The following STARD9 variants were observed in gnomAD, a reference collection of about 807,000 sequenced individuals.
STARD9 encodes the protein stAR-related lipid transfer protein 9.
STARD9 carries 346 observed loss-of-function variants against 399.8 expected under a neutral mutation model. The observed-to-expected ratio is 0.87, with a 90% confidence interval of 0.79 to 0.95. The LOEUF (loss-of-function observed/expected upper bound fraction) is 0.95. STARD9 is among the 40% of genes least tolerant of loss of function. STARD9 has a pLI of 0.00. For synonymous variants in STARD9, 2,203 were observed against 2,143.5 expected, an observed-to-expected ratio of 1.03 and a Z score of -0.77; for missense variants, 5,832 against 5,667.5, an observed-to-expected ratio of 1.03 and a Z score of -0.93.
chr15:42,644,710 C>T (rs1344846889), intron 7 of STARD9, among the ~76,000 whole-genome samples: 1 of 152,110 alleles, frequency 6.6e-6, no homozygotes, highest in Non-Finnish European at 1.5e-5. Context: ...CATCAATTGA[C>T]TCTTCCTTTC....
chr15:42,692,176 C>T lies in STARD9; in HGVS notation c.10598C>T (p.Ala3533Val). 2 of 1,537,124 alleles carry T rather than the reference C, an allele frequency of 1.3e-6. No individual in the cohort carries two copies. Among genetic ancestry groups the T allele is most frequent in the Non-Finnish European group, 1.7e-6 (2 of 1,146,910 alleles). Residue 3533 changes from alanine to valine, a missense_variant, in exon 23 of 33, where the codon GCC becomes GTC. This residue lies in a region of STARD9 where 5,828 missense variants were observed against 5,651.1 expected (regional missense o/e 1.03). Transcript: ENST00000290607. ...TTCCACTCCCACCTCAGCACTTACG[C>T]CAATATTTGTGATCTGTCAACCACA... ...SPFHSHLSTY[A>V]NICDLSTTHS...
intron 3 of STARD9, among the ~76,000 whole-genome samples, chr15:42,617,670 A>G (rs909811591): frequency 2.0e-5 from 3 of 152,142 alleles, no homozygotes; most frequent in Non-Finnish European, 4.4e-5. Context: ...AATCTAAACA[A>G]TTTTGTTTAT....
intron 3 of STARD9, among the ~76,000 whole-genome samples, chr15:42,590,623 T>G (rs1262047591): frequency 2.0e-5 from 3 of 152,190 alleles, no homozygotes; most frequent in Non-Finnish European, 4.4e-5. Context: ...CTTAGTAATT[T>G]ATAAAGAAAA....
intron 22 of STARD9, among the ~76,000 whole-genome samples, chr15:42,682,899 G>A (rs1028108991): frequency 6.6e-6 from 1 of 152,044 alleles, no homozygotes; most frequent in African/African-American, 2.4e-5. Context: ...TTCCTTGTAT[G>A]TCACACCTCA....
intron 26 of STARD9, among the ~76,000 whole-genome samples, chr15:42,702,770 C>T (rs762348667): frequency 1.3e-5 from 2 of 152,168 alleles, no homozygotes; most frequent in Non-Finnish European, 2.9e-5. Flanking sequence ...AGTCTTTCCT[C>T]TCTTCTTCAT....
intron 24 of STARD9, 94 bp from the exon 25 acceptor site, chr15:42,695,046 T>C (rs2060810652): frequency 1.9e-6 from 2 of 1,068,056 alleles, no homozygotes; most frequent in Non-Finnish European, 2.6e-6. Flanking sequence ...GTTGGGTCTT[T>C]TAAGAAGGTG....
chr15:42,605,297 A>G (rs1049904896), intron 3 of STARD9, among the ~76,000 whole-genome samples: 13 of 152,202 alleles, frequency 8.5e-5, no homozygotes, highest in Admixed American at 6.5e-4. Context: ...GGCAGAGTTG[A>G]CAGTTTCTTA....
chr15:42,626,366 T>TTCTTCCTCCTCTTCCTCC (rs1339265907), intron 3 of STARD9, among the ~76,000 whole-genome samples: 4 of 144,124 alleles, frequency 2.8e-5, no homozygotes, highest in Non-Finnish European at 4.5e-5. Context: ...CCTCTTCCTC[T>TTCTTCCTCCTCTTCCTCC]TCTTCCTCCT....
rs1229149501 is a variant in STARD9 at position 42,719,721 on chromosome 15, C to T, written c.*147C>T. The T allele has an allele frequency of 1.6e-6, 1 of 610,294 alleles. No homozygotes were observed. Among genetic ancestry groups the T allele is most frequent in the African/African-American group, 1.9e-5 (1 of 53,920 alleles). The allele number at this position is 610,294 out of a possible 1,614,324, so 37.8% of individuals were successfully genotyped here. A position where few individuals can be genotyped will look rare whatever the true frequency, so the allele number is the denominator to read the frequency against. ...GCCGATTGGGGCAGACAGCACTGGC[C>T]CAGGGATGCTAGCAAAGCCCAGTCA... On this transcript the variant is annotated 3_prime_UTR_variant, in exon 33 of 33. Coordinates refer to ENST00000290607, the MANE Select transcript of STARD9 (RefSeq NM_020759.3).
At chr15:42,698,570 A>G (rs187348988) in intron 26 of STARD9, among the ~76,000 whole-genome samples, 3 of 152,232 alleles carry the variant, frequency 2.0e-5, no homozygotes, top group Admixed American at 6.5e-5. Flanking sequence ...ACTGATACGA[A>G]CTAGAAATAT....
At chr15:42,717,124 G>GA (rs1011971130) in intron 28 of STARD9, 76 bp downstream of exon 28, 1 of 1,491,738 alleles carries the variant, frequency 6.7e-7, no homozygotes, top group Non-Finnish European at 9.0e-7. Context: ...GAGAAAGTAG[G>GA]AAAAAAGCTG....
In STARD9 at chr15:42,718,774, C is replaced by T. The variant is rs917224637; in HGVS notation, c.13865C>T (p.Ala4622Val). 2.5e-5 allele frequency: 38 copies of T among 1,537,244 alleles called. No homozygotes were observed. The highest frequency in any genetic ancestry group is 3.3e-5 in the Non-Finnish European group (38 of 1,146,904). Residue 4622 changes from alanine (A) to valine (V), a missense_variant, in exon 32 of 33, where the codon GCC becomes GTC. Coordinates refer to ENST00000290607, the MANE Select transcript of STARD9 (RefSeq NM_020759.3). The stretch of plus-strand genomic sequence containing the variant: ...CAGGGTCACCTGTCTGTCATGGCAG[C>T]CCAGTCTGTGTATGATACATCCATG... The part of the protein sequence containing the change: ...AKEGHLSVMA[A>V]QSVYDTSMPR...
chr15:42,614,791 C>G (rs1472841946), intron 3 of STARD9, among the ~76,000 whole-genome samples: 1 of 151,922 alleles, frequency 6.6e-6, no homozygotes, highest in Admixed American at 6.6e-5. Flanking sequence ...GTGGTGAAAC[C>G]CCGTCTCTAC....
chr15:42,584,193 A>G (rs1011354644), intron 2 of STARD9, among the ~76,000 whole-genome samples: 4 of 152,060 alleles, frequency 2.6e-5, no homozygotes, highest in African/African-American at 9.7e-5. Context: ...GAAACTGGCA[A>G]AACAGAGTTA....
Position 42,620,476 on chromosome 15 carries a change from T to A in STARD9, c.235-14380T>A, listed in dbSNP as rs117015041. 2.3e-3 allele frequency among the ~76,000 whole-genome samples: 345 copies of A among 150,688 alleles called. 11 individuals are homozygous for A. In the East Asian group the frequency reaches 0.055, roughly 24 times the overall value. On this transcript the variant is annotated intron_variant, in intron 3 of 32. Transcript: ENST00000290607. Reference sequence around the variant, plus strand: ...AGTCTGGGTAACAGAGTGAGACCTGTCTCAAAAAAAAAAAATTTTCAGGAA... The same window carrying A: ...AGTCTGGGTAACAGAGTGAGACCTGACTCAAAAAAAAAAAATTTTCAGGAA...
Position 42,687,305 on chromosome 15 carries a change from C to T in STARD9, c.5727C>T (p.Leu1909=). The change falls in exon 23 of 33, where the codon CTC becomes CTT. Residue 1909 remains leucine, a synonymous_variant. Coordinates refer to ENST00000290607, the MANE Select transcript of STARD9 (RefSeq NM_020759.3). ...GCACTGAGTCTGGGAAGTCTCTCCT[C>T]TTTCGTGAATCTGAGGCACGAGAGG... is the stretch of plus-strand genomic sequence containing the variant. ...SDSTESGKSL[L]FRESEAREEE... 1.3e-6 allele frequency: 2 copies of T among 1,536,836 alleles called. No homozygotes were observed. Among genetic ancestry groups the T allele is most frequent in the Non-Finnish European group, 1.7e-6 (2 of 1,146,930 alleles).
intron 7 of STARD9, among the ~76,000 whole-genome samples, 189 bp from the exon 8 acceptor site, chr15:42,650,827 A>G (rs943270571): frequency 1.3e-5 from 2 of 152,194 alleles, no homozygotes; most frequent in African/African-American, 4.8e-5. Flanking sequence ...AGAGTCTATC[A>G]TATACCTGAC....
At position 42,688,452 on chromosome 15, in the gene STARD9, G is replaced by C; in HGVS notation, c.6874G>C (p.Val2292Leu). The change falls in exon 23 of 33, where the codon GTG (valine) becomes CTG (leucine). Residue 2292 changes from valine to leucine, a missense_variant. Physicochemically the swap from Val to Leu is conservative, Grantham distance 32. This residue lies in a region of STARD9 where 5,828 missense variants were observed against 5,651.1 expected (regional missense o/e 1.03). Transcript: ENST00000290607. ...AGGCAGCCTTCAGGAAGAAAATAAA[G>C]TGACTCAGAAATTTCCTAGTCTCAG... is the stretch of plus-strand genomic sequence containing the variant. Reference protein sequence around the residue: ...RGGSLQEENKVTQKFPSLSQL... With the variant: ...RGGSLQEENKLTQKFPSLSQL... 6.5e-7 allele frequency: 1 copy of C among 1,537,802 alleles called. No homozygotes were observed. The highest frequency in any genetic ancestry group is 8.7e-7 in the Non-Finnish European group (1 of 1,147,052).
At chr15:42,694,505 C>T (rs1307570913) in intron 23 of STARD9, 23 bp from the exon 24 acceptor site, 2 of 1,536,364 alleles carry the variant, frequency 1.3e-6, no homozygotes, top group Admixed American at 2.0e-5. Flanking sequence ...GGGCCAGCTT[C>T]AGCGAATCGT....
Sources: allele counts gnomAD v4.1 joint callset (sites outside exome capture counted in the v4.1 genomes callset), GRCh38; gene constraint gnomAD v4.1.1; regional missense constraint gnomAD v4.1.1; transcripts MANE v1.5; gene names NCBI Gene and HGNC (gene_info 2026-07-23, HGNC 2026-07-21).